HMGB3: variants seen among roughly 807,000 people sequenced by gnomAD.
The protein encoded by HMGB3 is high mobility group protein B3.
Under a neutral mutation model 12.9 loss-of-function variants are expected in HMGB3, and 1 was observed. That is an observed-to-expected ratio of 0.08 (90% CI 0.03 to 0.37). HMGB3 has a LOEUF of 0.37. HMGB3 is among the 10% of genes least tolerant of loss of function. The pLI is 0.99. For synonymous variants in HMGB3, 61 were observed against 53.9 expected (o/e 1.13, Z -0.57); for missense variants, 74 against 153.3 (o/e 0.48, Z 2.73).
chrX:150,983,303 G>A, upstream of HMGB3: 12 of 755,737 alleles, frequency 1.6e-5, no homozygotes, highest in Non-Finnish European at 1.7e-5. Flanking sequence ...TCTCGTGGAG[G>A]CAGCTAGCGC....
upstream of HMGB3, among the ~76,000 whole-genome samples, chrX:150,980,911 G>A (rs2047989152): frequency 8.9e-6 from 1 of 112,933 alleles, no homozygotes; most frequent in Admixed American, 9.3e-5. Flanking sequence ...CCCCCACCAA[G>A]GTGCCTGCCA....
chrX:150,985,707 C>T lies in HMGB3; in HGVS notation c.108C>T (p.Val36=). 1 of 1,210,027 alleles carries T rather than the reference C, an allele frequency of 8.3e-7. No homozygotes were observed. The highest frequency in any genetic ancestry group is 1.1e-6 in the Non-Finnish European group (1 of 894,118). The change falls in exon 2 of 5, where the codon GTC becomes GTT. Residue 36 remains valine (V), a synonymous_variant. Transcript: ENST00000325307. ...AGAAGAAAAACCCAGAGGTCCCTGT[C>T]AATTTTGCGGAATTTTCCAAGAAGT... ...EHKKKNPEVP[V]NFAEFSKKCS...
chrX:150,985,437 A>G (rs782339975), intron 1 of HMGB3, 158 bp from the exon 2 acceptor site: 45 of 380,966 alleles, frequency 1.2e-4, no homozygotes, highest in Non-Finnish European at 1.9e-4. Context: ...TTTCTTTCCT[A>G]CTCTGCCTTC....
intron 1 of HMGB3, chrX:150,983,711 C>A: frequency 2.9e-6 from 1 of 345,390 alleles, no homozygotes; most frequent in Non-Finnish European, 3.8e-6. Flanking sequence ...GCCCCCGAGG[C>A]CAGATGTTTG....
In HMGB3 at chrX:150,988,776, T is replaced by G. The variant is rs1291433853; in HGVS notation, c.*862T>G. ...CAGTATTACATTTTTAAAACTCTTC[T>G]CTATTATAACAGTCAATTTCTGACT... On this transcript the variant is annotated 3_prime_UTR_variant, in exon 5 of 5. Coordinates refer to ENST00000325307, the MANE Select transcript of HMGB3 (RefSeq NM_005342.4). 2 of 112,325 alleles carry G rather than the reference T, an allele frequency of 1.8e-5. No individual in the cohort carries two copies. The highest frequency in any genetic ancestry group is 6.5e-5 in the African/African-American group (2 of 30,852). 9.3% of individuals were successfully genotyped at this position (112,325 alleles called of 1,213,427 possible).
chrX:150,984,467 C>T (rs1298185771), intron 1 of HMGB3: 3 of 123,706 alleles, frequency 2.4e-5, no homozygotes, highest in Non-Finnish European at 4.4e-5. Flanking sequence ...CGAGGCGCGG[C>T]GGACGCCGCC....
intron 1 of HMGB3, among the ~76,000 whole-genome samples, chrX:150,984,900 T>C (rs2048036089): frequency 8.9e-6 from 1 of 111,991 alleles, no homozygotes; most frequent in Non-Finnish European, 1.9e-5. Flanking sequence ...TTGGAGAAAG[T>C]GTTCTCGGCT....
In HMGB3 at chrX:150,988,088, G is replaced by A. The variant is rs782437672; in HGVS notation, c.*174G>A. On this transcript the variant is annotated 3_prime_UTR_variant, in exon 5 of 5. Coordinates refer to ENST00000325307, the MANE Select transcript of HMGB3 (RefSeq NM_005342.4). ...AGAAATTGTCAGTGGTTTACATGAA[G>A]TGGCCATGGGTGTCTGGAGCACCCT... The A allele has an allele frequency of 3.7e-6, 2 of 540,354 alleles. No homozygotes were observed. The highest frequency in any genetic ancestry group is 4.6e-5 in the African/African-American group (2 of 43,440). 44.5% of individuals were successfully genotyped at this position (540,354 alleles called of 1,213,427 possible).
chrX:150,987,423 C>G (rs2048064421), intron 4 of HMGB3, 121 bp downstream of exon 4: 1 of 553,385 alleles, frequency 1.8e-6, no homozygotes, highest in Non-Finnish European at 2.8e-6. Context: ...GGGCCCATCC[C>G]CCTGCAAGGT....
At position 150,990,085 on chromosome X, in the gene HMGB3, T is replaced by C. The variant is rs1409151104; in HGVS notation, c.*2171T>C. 8.9e-6 allele frequency: 1 copy of C among 112,399 alleles called. No individual in the cohort carries two copies. Among genetic ancestry groups the C allele is most frequent in the African/African-American group, 3.2e-5 (1 of 30,966 alleles). The allele number at this position is 112,399 out of a possible 1,213,427, so 9.3% of individuals were successfully genotyped here. A position where few individuals can be genotyped will look rare whatever the true frequency, so the allele number is the denominator to read the frequency against. On this transcript the variant is annotated 3_prime_UTR_variant, in exon 5 of 5. Coordinates refer to ENST00000325307, the MANE Select transcript of HMGB3 (RefSeq NM_005342.4). Reference sequence around the variant, plus strand: ...CACTTGGCATTCTAAGCTAAAGCTTTAGCTTCCCAATTCGTGATGTGCTAG... The same window carrying C: ...CACTTGGCATTCTAAGCTAAAGCTTCAGCTTCCCAATTCGTGATGTGCTAG...
At chrX:150,983,113 T>C (rs1337854350), upstream of HMGB3, among the ~76,000 whole-genome samples, 1 of 112,798 alleles carries the variant, frequency 8.9e-6, no homozygotes, top group African/African-American at 3.2e-5. Context: ...CAGGCGAGAC[T>C]AGGTCTTTCC....
intron 1 of HMGB3, among the ~76,000 whole-genome samples, chrX:150,985,174 CAGTT>C (rs1397515840): frequency 9.0e-6 from 1 of 111,729 alleles, no homozygotes; most frequent in Non-Finnish European, 1.9e-5. Flanking sequence ...ATTGTGTTAA[CAGTT>C]AGCAGATGAC....
Position 150,989,357 on chromosome X carries a change from A to G in HMGB3, c.*1443A>G, listed in dbSNP as rs1182568069. On this transcript the variant is annotated 3_prime_UTR_variant, in exon 5 of 5. Coordinates refer to ENST00000325307, the MANE Select transcript of HMGB3 (RefSeq NM_005342.4). ...AACACCAAACACCCCAAGGAAGATG[A>G]TAGGCTCCATCTTGGGCCACCTGAG... is the stretch of plus-strand genomic sequence containing the variant. 1 of 111,105 alleles carries G rather than the reference A, an allele frequency of 9.0e-6. No individual in the cohort carries two copies. Among genetic ancestry groups the G allele is most frequent in the South Asian group, 3.9e-4 (1 of 2,594 alleles). 9.2% of individuals were successfully genotyped at this position (111,105 alleles called of 1,213,427 possible). A position where few individuals can be genotyped will look rare whatever the true frequency, so the allele number is the denominator to read the frequency against.
chrX:150,986,653 G>A (rs1358546323), intron 3 of HMGB3, among the ~76,000 whole-genome samples: 8 of 110,538 alleles, frequency 7.2e-5, no homozygotes, highest in South Asian at 3.8e-4. Flanking sequence ...ACACACACAC[G>A]CATACATATT....
intron 1 of HMGB3, 71 bp downstream of exon 1, chrX:150,983,447 C>A (rs1275319349): frequency 2.1e-6 from 1 of 465,158 alleles, no homozygotes; most frequent in Non-Finnish European, 2.5e-6. Flanking sequence ...GCCGCCGCCG[C>A]CGCCGCAGCG....
chrX:150,981,681 C>T (rs1427283783), upstream of HMGB3, among the ~76,000 whole-genome samples: 1 of 110,790 alleles, frequency 9.0e-6, no homozygotes, highest in Non-Finnish European at 1.9e-5. Flanking sequence ...TGGTCTTGAA[C>T]TCCTGATCTC....
At chrX:150,983,325 G>A (rs1468603133), upstream of HMGB3, 44 of 754,053 alleles carry the variant, frequency 5.8e-5, no homozygotes, top group Admixed American at 5.2e-4. Flanking sequence ...AGGCTGGGGA[G>A]CGCTGAGCCG....
intron 2 of HMGB3, 108 bp from the exon 3 acceptor site, chrX:150,985,943 C>T (rs1411630484): frequency 3.3e-6 from 3 of 922,971 alleles, no homozygotes; most frequent in Non-Finnish European, 3.0e-6. Context: ...CAGGCCTTTA[C>T]CTACCCCCTT....
chrX:150,986,993 A>G, intron 3 of HMGB3, 135 bp from the exon 4 acceptor site: 2 of 465,642 alleles, frequency 4.3e-6, no homozygotes, highest in Non-Finnish European at 7.4e-6. Context: ...GTAGCATTGT[A>G]TATGGTATCA....
Sources: gnomAD v4.1 joint callset for allele counts (sites outside exome capture counted in the v4.1 genomes callset) on GRCh38, gnomAD v4.1.1 for gene constraint, MANE v1.5 for transcripts, NCBI Gene and HGNC (gene_info 2026-07-23, HGNC 2026-07-21) for gene names.